The following REEP3 variants were observed in gnomAD, a reference collection of about 807,000 sequenced individuals.
The protein encoded by REEP3 is receptor accessory protein 3.
A neutral mutation model predicts 41.3 loss-of-function variants in REEP3; 20 were observed. That is an observed-to-expected ratio of 0.48 (90% CI 0.34 to 0.70). The LOEUF (loss-of-function observed/expected upper bound fraction) is 0.70, where lower values mean the gene tolerates loss of function less well. REEP3 is among the 30% of genes least tolerant of loss of function. REEP3 has a pLI of 0.01. For missense variants in REEP3, 271 were observed against 308.8 expected, an observed-to-expected ratio of 0.88 and a Z score of 0.92; for synonymous variants, 104 against 101.8, an observed-to-expected ratio of 1.02 and a Z score of -0.13.
rs75039658 is a variant in REEP3, at chr10:63,540,541, G to T, written c.32+18964G>T. On this transcript the variant is annotated intron_variant, in intron 1 of 7. Coordinates refer to ENST00000373758, the MANE Select transcript of REEP3 (RefSeq NM_001001330.3). ...TCTGAAAAGGATGGGGAAGGGAGAA[G>T]GGAGGAAGGAAGCTTGAGGGCAAAT... Among the ~76,000 whole-genome samples the T allele has an allele frequency of 8.4e-3, 1,284 of 152,244 alleles. 14 individuals are homozygous for T. Among genetic ancestry groups the T allele is most frequent in the East Asian group, 0.027 (138 of 5,190 alleles).
intron 1 of REEP3, among the ~76,000 whole-genome samples, chr10:63,526,175 T>C (rs758535841): frequency 6.6e-6 from 1 of 152,214 alleles, no homozygotes; most frequent in Admixed American, 6.5e-5. Context: ...TAGTCTTTAT[T>C]ATATTGTAAG....
chr10:63,614,945 C>T (rs1417930961), intron 6 of REEP3, among the ~76,000 whole-genome samples: 1 of 152,050 alleles, frequency 6.6e-6, no homozygotes, highest in African/African-American at 2.4e-5. Context: ...ATGTTCATCT[C>T]GTTGTTTATA....
chr10:63,522,939 C>G (rs1264091660), intron 1 of REEP3, among the ~76,000 whole-genome samples: 1 of 150,200 alleles, frequency 6.7e-6, no homozygotes, highest in African/African-American at 2.5e-5. Flanking sequence ...TCAGGCATAC[C>G]TTTCTTGACC....
Position 63,593,085 on chromosome 10 carries a change from G to A in REEP3, c.106-1693G>A, listed in dbSNP as rs576254663. Among the ~76,000 whole-genome samples, 9 of 152,232 alleles carry A rather than the reference G, an allele frequency of 5.9e-5. No homozygotes were observed. In the South Asian group the frequency reaches 1.9e-3, roughly 32 times the overall value. Reference sequence around the variant, plus strand: ...TCCCAGCACTTCGGGAGGCCGAGGCGGGTATTCATATTTCACATTACAATT... The same window carrying A: ...TCCCAGCACTTCGGGAGGCCGAGGCAGGTATTCATATTTCACATTACAATT... On this transcript the variant is annotated intron_variant, in intron 2 of 7. Transcript: ENST00000373758.
intron 1 of REEP3, among the ~76,000 whole-genome samples, chr10:63,526,392 A>ATT: frequency 6.6e-6 from 1 of 152,136 alleles, no homozygotes. Flanking sequence ...CATTATATAT[A>ATT]CTTCTTTTGA....
At chr10:63,578,924 CAT>C (rs1228919154) in intron 2 of REEP3, among the ~76,000 whole-genome samples, 1 of 151,210 alleles carries the variant, frequency 6.6e-6, no homozygotes, top group Non-Finnish European at 1.5e-5. Context: ...CCTAATTTTT[CAT>C]ATGTCATGTT....
chr10:63,547,924 A>C, intron 1 of REEP3, among the ~76,000 whole-genome samples: 1 of 152,218 alleles, frequency 6.6e-6, no homozygotes, highest in East Asian at 1.9e-4. Context: ...TCACCAGGGA[A>C]GGAGAACACT....
At chr10:63,585,880 C>G (rs1255014941) in intron 2 of REEP3, among the ~76,000 whole-genome samples, 8 of 152,204 alleles carry the variant, frequency 5.3e-5, no homozygotes, top group Admixed American at 2.0e-4. Context: ...GGGTATTGTT[C>G]TCAATTTCTG....
intron 1 of REEP3, among the ~76,000 whole-genome samples, chr10:63,545,996 T>TG: frequency 6.6e-6 from 1 of 152,304 alleles, no homozygotes; most frequent in African/African-American, 2.4e-5. Flanking sequence ...ACACAGATTC[T>TG]GGGGAAGAGT....
At chr10:63,605,306 G>A (rs1327668684) in intron 5 of REEP3, among the ~76,000 whole-genome samples, 1 of 152,158 alleles carries the variant, frequency 6.6e-6, no homozygotes, top group African/African-American at 2.4e-5. Context: ...TAATGCAAAT[G>A]CAGTCAATTC....
At chr10:63,594,670 A>C (rs558916620) in intron 2 of REEP3, 108 bp from the exon 3 acceptor site, 1 of 739,408 alleles carries the variant, frequency 1.4e-6, no homozygotes, top group East Asian at 2.6e-5. Flanking sequence ...AAATACATAC[A>C]TAATATGAAA....
intron 1 of REEP3, among the ~76,000 whole-genome samples, chr10:63,536,590 T>C (rs1459058995): frequency 2.0e-5 from 3 of 151,930 alleles, no homozygotes; most frequent in African/African-American, 7.3e-5. Flanking sequence ...GTAAAAAACG[T>C]CAACAGTTAC....
At chr10:63,619,918 A>ATTTTTTTTT (rs71463534) in intron 7 of REEP3, 118 bp downstream of exon 7, 3 of 249,994 alleles carry the variant, frequency 1.2e-5, no homozygotes, top group Non-Finnish European at 1.4e-5. Context: ...CAGCAGTTTG[A>ATTTTTTTTT]TTTTTTTTTT....
intron 6 of REEP3, among the ~76,000 whole-genome samples, chr10:63,613,115 A>G (rs574609531): frequency 1.4e-3 from 206 of 151,860 alleles, no homozygotes; most frequent in Non-Finnish European, 1.9e-3. Flanking sequence ...AAGTTCATGC[A>G]GTTCTCCTGC....
chr10:63,548,721 C>A (rs1955600970), intron 1 of REEP3, among the ~76,000 whole-genome samples: 1 of 151,470 alleles, frequency 6.6e-6, no homozygotes, highest in South Asian at 2.1e-4. Flanking sequence ...ATGGGCCCTC[C>A]CATTGAAAAA....
intron 2 of REEP3, among the ~76,000 whole-genome samples, chr10:63,590,258 A>C (rs553028020): frequency 6.6e-6 from 1 of 152,332 alleles, no homozygotes; most frequent in African/African-American, 2.4e-5. Flanking sequence ...TTTTCTGCCC[A>C]GTGAAATGTT....
intron 2 of REEP3, among the ~76,000 whole-genome samples, chr10:63,589,695 T>C (rs1252945365): frequency 6.6e-6 from 1 of 150,518 alleles, no homozygotes; most frequent in African/African-American, 2.4e-5. Flanking sequence ...GATTTATAAA[T>C]AATCCCTTTA....
At chr10:63,521,645 C>A in intron 1 of REEP3, 68 bp downstream of exon 1, 1 of 1,217,406 alleles carries the variant, frequency 8.2e-7, no homozygotes, top group Non-Finnish European at 1.1e-6. Flanking sequence ...GGGGAAGGAG[C>A]CGAGAGGAAA....
intron 3 of REEP3, among the ~76,000 whole-genome samples, chr10:63,595,060 G>T (rs1365929221): frequency 6.6e-6 from 1 of 151,886 alleles, no homozygotes; most frequent in Non-Finnish European, 1.5e-5. Flanking sequence ...CTCCCCATAC[G>T]CCGCTCCCTG....
Sources: gnomAD v4.1 joint callset for allele counts (sites outside exome capture counted in the v4.1 genomes callset) on GRCh38, gnomAD v4.1.1 for gene constraint, MANE v1.5 for transcripts, NCBI Gene and HGNC (gene_info 2026-07-23, HGNC 2026-07-21) for gene names.